IL1RAPL2: variants seen among roughly 807,000 people sequenced by gnomAD.
IL1RAPL2 encodes interleukin 1 receptor accessory protein like 2.
A neutral mutation model predicts 44.1 loss-of-function variants in IL1RAPL2; 3 were observed. The observed-to-expected ratio is 0.07, with a 90% confidence interval of 0.03 to 0.18. IL1RAPL2 has a LOEUF of 0.18. Among genes scored for constraint, IL1RAPL2 ranks in the 10% least tolerant of loss-of-function variants. The pLI is 1.00. For missense variants in IL1RAPL2, 391 were observed against 496.4 expected (o/e 0.79, Z 2.02); for synonymous variants, 181 against 178.8 (o/e 1.01, Z -0.10).
At chrX:105,685,809 C>A (rs774150837) in intron 6 of IL1RAPL2, among the ~76,000 whole-genome samples, 14 of 111,689 alleles carry the variant, frequency 1.3e-4, no homozygotes, top group South Asian at 7.6e-4. Flanking sequence ...AGAGGAAGGT[C>A]GAGTTAGCCA....
chrX:104,594,443 A>C (rs761849043), intron 1 of IL1RAPL2, among the ~76,000 whole-genome samples: 1 of 111,320 alleles, frequency 9.0e-6, no homozygotes, highest in South Asian at 3.8e-4. Flanking sequence ...TTGTCTGTCA[A>C]TCAGCTTCTG....
At chrX:104,898,983 T>C (rs887972605) in intron 2 of IL1RAPL2, among the ~76,000 whole-genome samples, 4 of 111,760 alleles carry the variant, frequency 3.6e-5, no homozygotes, top group African/African-American at 1.3e-4. Flanking sequence ...CCAGTGGGAG[T>C]ATAGGTATAA....
intron 5 of IL1RAPL2, among the ~76,000 whole-genome samples, chrX:105,342,275 G>A (rs768214137): frequency 2.1e-4 from 23 of 110,204 alleles, no homozygotes; most frequent in South Asian, 3.9e-4. Flanking sequence ...AAACCTGCAC[G>A]TTGTGCACAT....
intron 2 of IL1RAPL2, among the ~76,000 whole-genome samples, chrX:105,101,626 G>A (rs768009395): frequency 9.0e-6 from 1 of 110,854 alleles, no homozygotes; most frequent in South Asian, 3.8e-4. Flanking sequence ...AAGTGTATTT[G>A]TAGCCATCTG....
chrX:105,738,754 C>T (rs906904635), intron 7 of IL1RAPL2, among the ~76,000 whole-genome samples: 5 of 110,348 alleles, frequency 4.5e-5, no homozygotes, highest in Admixed American at 9.8e-5. Context: ...AAACAGGAGG[C>T]GCACTCTTCA....
At chrX:105,560,005 A>C (rs2036922845) in intron 6 of IL1RAPL2, among the ~76,000 whole-genome samples, 1 of 111,802 alleles carries the variant, frequency 8.9e-6, no homozygotes. Flanking sequence ...GGAGCACCAG[A>C]CACCGTCTTG....
chrX:105,067,587 G>A (rs1300914609), intron 2 of IL1RAPL2, among the ~76,000 whole-genome samples: 4 of 111,572 alleles, frequency 3.6e-5, no homozygotes, highest in Non-Finnish European at 7.5e-5. Context: ...CTATTTTGCA[G>A]ATCAAGCGAA....
intron 5 of IL1RAPL2, among the ~76,000 whole-genome samples, chrX:105,287,811 G>T (rs2034582549): frequency 9.0e-6 from 1 of 111,453 alleles, no homozygotes; most frequent in Admixed American, 9.6e-5. Context: ...ACAGGTCCGG[G>T]TATGACAAGG....
chrX:104,897,587 A>G (rs747399545), intron 2 of IL1RAPL2, among the ~76,000 whole-genome samples: 2 of 112,588 alleles, frequency 1.8e-5, no homozygotes, highest in Non-Finnish European at 3.7e-5. Context: ...ATTTGTGACC[A>G]TCATTAATCT....
At chrX:104,589,030 G>A (rs976252375) in intron 1 of IL1RAPL2, among the ~76,000 whole-genome samples, 3 of 111,925 alleles carry the variant, frequency 2.7e-5, no homozygotes, top group Non-Finnish European at 5.6e-5. Flanking sequence ...TTCTGACTGG[G>A]ATAGAATTAA....
At chrX:105,112,979 C>G (rs1212727125) in intron 2 of IL1RAPL2, among the ~76,000 whole-genome samples, 1 of 112,594 alleles carries the variant, frequency 8.9e-6, no homozygotes, top group Non-Finnish European at 1.9e-5. Flanking sequence ...GATTGCTAGG[C>G]CTTCCTAAGA....
intron 2 of IL1RAPL2, among the ~76,000 whole-genome samples, chrX:104,848,772 A>C (rs1922136731): frequency 9.1e-6 from 1 of 109,526 alleles, no homozygotes; most frequent in South Asian, 3.9e-4. Flanking sequence ...TTTTAAAAAC[A>C]TGTTTTCTCC....
intron 6 of IL1RAPL2, among the ~76,000 whole-genome samples, chrX:105,594,778 A>C (rs1369191959): frequency 1.8e-5 from 2 of 111,750 alleles, no homozygotes; most frequent in Non-Finnish European, 3.8e-5. Flanking sequence ...GTGAATTAAC[A>C]CTGGAGCAGA....
At chrX:105,122,625 A>G (rs2032936371) in intron 2 of IL1RAPL2, among the ~76,000 whole-genome samples, 1 of 111,590 alleles carries the variant, frequency 9.0e-6, no homozygotes, top group African/African-American at 3.2e-5. Context: ...AATGTGGAAA[A>G]GTCACATAAT....
chrX:105,134,932 G>C (rs2033062405), intron 2 of IL1RAPL2, among the ~76,000 whole-genome samples: 1 of 108,556 alleles, frequency 9.2e-6, no homozygotes, highest in Non-Finnish European at 1.9e-5. Context: ...TCCAACTAGA[G>C]TTTGCTATCT....
chrX:105,174,727 G>T (rs2033456375), intron 2 of IL1RAPL2, among the ~76,000 whole-genome samples: 1 of 111,064 alleles, frequency 9.0e-6, no homozygotes, highest in Non-Finnish European at 1.9e-5. Context: ...ACATAAGGAG[G>T]GACAAATTAA....
chrX:105,443,821 T>G (rs1307047103), intron 5 of IL1RAPL2, among the ~76,000 whole-genome samples: 1 of 111,081 alleles, frequency 9.0e-6, no homozygotes, highest in Admixed American at 9.6e-5. Flanking sequence ...AGATGTCTCC[T>G]TCATATACTG....
chrX:104,829,064 C>T (rs1417047551), intron 2 of IL1RAPL2, among the ~76,000 whole-genome samples: 2 of 112,189 alleles, frequency 1.8e-5, no homozygotes, highest in African/African-American at 3.2e-5. Context: ...CCTTGCTGGG[C>T]TCTGTGGGGT....
intron 1 of IL1RAPL2, among the ~76,000 whole-genome samples, chrX:104,602,881 G>A (rs1454496577): frequency 6.3e-5 from 7 of 111,757 alleles, no homozygotes; most frequent in Non-Finnish European, 1.3e-4. Flanking sequence ...CCTGGGGAAA[G>A]GGGCAGTTGT....
Sources: gnomAD v4.1 joint callset for allele counts (sites outside exome capture counted in the v4.1 genomes callset) on GRCh38, gnomAD v4.1.1 for gene constraint, MANE v1.5 for transcripts, NCBI Gene and HGNC (gene_info 2026-07-23, HGNC 2026-07-21) for gene names.